The following GLRX3 variants were observed in gnomAD, a reference collection of about 807,000 sequenced individuals.
GLRX3 encodes the protein glutaredoxin-3.
Under a neutral mutation model 49.5 loss-of-function variants are expected in GLRX3, and 22 were observed. That is an observed-to-expected ratio of 0.44 (90% confidence interval 0.32 to 0.63). GLRX3 has a LOEUF of 0.63. Among genes scored for constraint, GLRX3 ranks in the 30% least tolerant of loss-of-function variants. The pLI, the probability that GLRX3 is intolerant of heterozygous loss-of-function variation, is 0.05. For synonymous variants in GLRX3, 133 were observed against 140.0 expected (o/e 0.95, Z 0.35); for missense variants, 385 against 396.3 (o/e 0.97, Z 0.24).
chr10:130,167,068 T>G, intron 6 of GLRX3, 88 bp downstream of exon 6: 1 of 645,228 alleles, frequency 1.5e-6, no homozygotes, highest in African/African-American at 1.9e-5. Flanking sequence ...GCTCTTTCTG[T>G]GTAGAAATCA....
intron 2 of GLRX3, among the ~76,000 whole-genome samples, chr10:130,147,358 G>A (rs1353305169): frequency 6.6e-6 from 1 of 152,206 alleles, no homozygotes; most frequent in Non-Finnish European, 1.5e-5. Context: ...GTTCTTAGCT[G>A]CTATCTGAAT....
intron 2 of GLRX3, among the ~76,000 whole-genome samples, chr10:130,149,318 TG>T (rs1490682143): frequency 6.6e-6 from 1 of 152,064 alleles, no homozygotes; most frequent in Non-Finnish European, 1.5e-5. Context: ...GGCGCATGCC[TG>T]TAATCCCAGC....
chr10:130,147,505 G>A (rs1267835593), intron 2 of GLRX3, among the ~76,000 whole-genome samples: 1 of 152,166 alleles, frequency 6.6e-6, no homozygotes, highest in African/African-American at 2.4e-5. Flanking sequence ...GGGTTGTGGG[G>A]GATACCTGAG....
intron 2 of GLRX3, among the ~76,000 whole-genome samples, chr10:130,154,028 G>A (rs1862429695): frequency 6.6e-6 from 1 of 152,222 alleles, no homozygotes. Context: ...GCCTACTCAA[G>A]CCTCAGCAAT....
At chr10:130,165,817 A>AT (rs954255755) in intron 4 of GLRX3, among the ~76,000 whole-genome samples, 7 of 152,150 alleles carry the variant, frequency 4.6e-5, no homozygotes, top group African/African-American at 1.4e-4. Context: ...CAATTGTAGA[A>AT]TTTTTTCATC....
Position 130,161,930 on chromosome 10 carries a change from C to T in GLRX3, c.478+933C>T, listed in dbSNP as rs1590067715. Among the ~76,000 whole-genome samples, 3 of 152,176 alleles carry T rather than the reference C, an allele frequency of 2.0e-5. No homozygotes were observed. The South Asian group carries it at 6.2e-4, about 31-fold the overall frequency. ...TCTTCCCTGTAGGGTTATTAAATTA[C>T]ATATTAGCTTATGATAATGTCTAGT... On this transcript the variant is annotated intron_variant, in intron 4 of 10. Coordinates refer to ENST00000331244, the MANE Select transcript of GLRX3 (RefSeq NM_006541.5).
At position 130,176,277 on chromosome 10, in the gene GLRX3, G is replaced by A. The variant is rs546528116; in HGVS notation, c.957+1188G>A. On this transcript the variant is annotated intron_variant, in intron 10 of 10. Coordinates refer to ENST00000331244, the MANE Select transcript of GLRX3 (RefSeq NM_006541.5). ...TGGGATTACAGGCACCCGCCACCAC[G>A]CCCCACTAATTTTTGTATTTTTAGT... is the stretch of plus-strand genomic sequence containing the variant. Among the ~76,000 whole-genome samples, 413 of 151,910 alleles carry A rather than the reference G, an allele frequency of 2.7e-3. 1 individual carries two copies. Among genetic ancestry groups the A allele is most frequent in the African/African-American group, 8.9e-3 (368 of 41,424 alleles).
chr10:130,156,461 A>C (rs970971203), intron 2 of GLRX3, among the ~76,000 whole-genome samples: 1 of 152,234 alleles, frequency 6.6e-6, no homozygotes, highest in African/African-American at 2.4e-5. Context: ...GATCTAGGCC[A>C]AGTTATGGAA....
Position 130,137,619 on chromosome 10 carries a change from C to T in GLRX3, c.92+1107C>T, listed in dbSNP as rs567765476. 3.3e-5 allele frequency among the ~76,000 whole-genome samples: 5 copies of T among 152,220 alleles called. No homozygotes were observed. In the South Asian group the frequency reaches 6.2e-4, roughly 19 times the overall value. On this transcript the variant is annotated intron_variant, in intron 1 of 10. Coordinates refer to ENST00000331244, the MANE Select transcript of GLRX3 (RefSeq NM_006541.5). ...TTGTTGTGAGGGTTAAATGAGATGA[C>T]GTATGTAAAATACAAATAATACAAT...
Position 130,174,889 on chromosome 10 carries a change from A to T in GLRX3, c.847A>T (p.Ile283Leu). The part of the protein sequence containing the change: ...STGVEYETFD[I>L]LEDEEVRQGL... ...CAGTGTTGAATATGAAACATTCGAT[A>T]TATTGGAGGATGAAGAAGTAAGTTC... The change falls in exon 9 of 11, where the codon ATA becomes TTA. Residue 283 changes from isoleucine to leucine, a missense_variant. By Grantham distance (5) the Ile-to-Leu change is conservative (BLOSUM62 2). Around this residue, in one of 2 missense-constraint regions of GLRX3, gnomAD observed 374 missense variants for 358.6 expected, o/e 1.04. Coordinates refer to ENST00000331244, the MANE Select transcript of GLRX3 (RefSeq NM_006541.5). 1 of 1,597,474 alleles carries T rather than the reference A, an allele frequency of 6.3e-7. No homozygotes were observed.
intron 2 of GLRX3, among the ~76,000 whole-genome samples, chr10:130,155,785 A>T (rs1862460387): frequency 6.6e-6 from 1 of 152,160 alleles, no homozygotes; most frequent in Non-Finnish European, 1.5e-5. Context: ...ATGAGTGTGG[A>T]TAGGCATAGA....
intron 5 of GLRX3, 109 bp from the exon 6 acceptor site, chr10:130,166,810 A>G: frequency 1.1e-6 from 1 of 903,856 alleles, no homozygotes; most frequent in East Asian, 2.5e-5. Context: ...CAATGAATAC[A>G]CAGTATTTCT....
chr10:130,172,794 T>C (rs1862837306), intron 8 of GLRX3, among the ~76,000 whole-genome samples: 1 of 151,970 alleles, frequency 6.6e-6, no homozygotes, highest in Admixed American at 6.6e-5. Context: ...ATACAAAAAT[T>C]AGCCGGGTGC....
At chr10:130,166,436 CTA>C in intron 4 of GLRX3, 69 bp from the exon 5 acceptor site, 2 of 1,089,144 alleles carry the variant, frequency 1.8e-6, no homozygotes, top group Non-Finnish European at 2.8e-6. Flanking sequence ...GTACGCTGAA[CTA>C]ATGTATTATC....
intron 1 of GLRX3, among the ~76,000 whole-genome samples, chr10:130,142,232 C>T (rs942365500): frequency 5.9e-5 from 9 of 152,124 alleles, no homozygotes; most frequent in African/African-American, 2.2e-4. Context: ...TGGTCTTGCC[C>T]TCTGTTTTCC....
chr10:130,179,881 C>G (rs1041808338), downstream of GLRX3, among the ~76,000 whole-genome samples: 3 of 152,146 alleles, frequency 2.0e-5, no homozygotes, highest in Non-Finnish European at 2.9e-5. Flanking sequence ...TTGCTGAGCT[C>G]GGCACTGGTT....
chr10:130,173,305 C>T (rs541258653), intron 8 of GLRX3, among the ~76,000 whole-genome samples: 77 of 152,226 alleles, frequency 5.1e-4, no homozygotes, highest in African/African-American at 1.8e-3. Context: ...ACCCTGTTGT[C>T]GCAGAGAGCA....
At chr10:130,139,497 C>T (rs1471691712) in intron 1 of GLRX3, among the ~76,000 whole-genome samples, 1 of 151,884 alleles carries the variant, frequency 6.6e-6, no homozygotes, top group Non-Finnish European at 1.5e-5. Context: ...AAAAAATTAG[C>T]CAGGCATGGT....
At chr10:130,154,596 G>A (rs956577661) in intron 2 of GLRX3, among the ~76,000 whole-genome samples, 3 of 151,650 alleles carry the variant, frequency 2.0e-5, no homozygotes, top group Non-Finnish European at 4.4e-5. Flanking sequence ...ACATCACAGA[G>A]TAGAAGGAAG....
Sources: gnomAD v4.1 joint callset for allele counts (sites outside exome capture counted in the v4.1 genomes callset) on GRCh38, gnomAD v4.1.1 for gene constraint, gnomAD v4.1.1 regional missense constraint, MANE v1.5 for transcripts, NCBI Gene and HGNC (gene_info 2026-07-23, HGNC 2026-07-21) for gene names.